The following ATP10B variants were observed in gnomAD, a reference collection of about 807,000 sequenced individuals.
The protein encoded by ATP10B is ATPase phospholipid transporting 10B (putative).
In ATP10B, 122 loss-of-function variants were observed where a neutral mutation model predicts 141.2. The ratio of observed to expected loss-of-function variants is 0.86; its 90% CI spans 0.75 to 1.00. ATP10B has a LOEUF of 1.00. Among genes scored for constraint, ATP10B ranks in the 50% least tolerant of loss-of-function variants. ATP10B has a pLI of 0.00. For synonymous variants in ATP10B, 685 were observed against 692.0 expected (o/e 0.99, Z 0.16); for missense variants, 1,876 against 1,825.3 (o/e 1.03, Z -0.51).
intron 2 of ATP10B, among the ~76,000 whole-genome samples, chr5:160,761,798 A>C (rs1407748820): frequency 6.6e-6 from 1 of 151,608 alleles, no homozygotes; most frequent in Non-Finnish European, 1.5e-5. Flanking sequence ...AGGAGGTATC[A>C]GAGAAAGGTG....
At chr5:160,834,450 T>C (rs528739806) in intron 1 of ATP10B, among the ~76,000 whole-genome samples, 3 of 152,286 alleles carry the variant, frequency 2.0e-5, no homozygotes, top group East Asian at 1.9e-4. Context: ...AAGTTCAGTC[T>C]TGGGCTGCAT....
At chr5:160,700,529 T>C (rs950009803) in intron 3 of ATP10B, among the ~76,000 whole-genome samples, 1 of 152,204 alleles carries the variant, frequency 6.6e-6, no homozygotes, top group Non-Finnish European at 1.5e-5. Context: ...GAAAGGTAAG[T>C]GATCTCACAG....
chr5:160,890,740 G>A, the ATP10B span, among the ~76,000 whole-genome samples: 1 of 151,930 alleles, frequency 6.6e-6, no homozygotes, highest in African/African-American at 2.4e-5. Flanking sequence ...TTAGAGCCAG[G>A]GTCTTTCTCT....
chr5:160,894,407 A>T, the ATP10B span, among the ~76,000 whole-genome samples: 34 of 151,986 alleles, frequency 2.2e-4, no homozygotes, highest in African/African-American at 8.0e-4. Context: ...TGTGAAGCAT[A>T]TACAAGTATC....
intron 12 of ATP10B, chr5:160,632,595 A>AACC (rs1204869912): frequency 5.1e-6 from 2 of 394,108 alleles, no homozygotes; most frequent in African/African-American, 4.1e-5. Flanking sequence ...GCTTTGACAT[A>AACC]ACCTGTCACT....
intron 1 of ATP10B, among the ~76,000 whole-genome samples, chr5:160,846,901 T>C (rs1373503466): frequency 2.6e-5 from 4 of 152,144 alleles, no homozygotes; most frequent in African/African-American, 9.7e-5. Context: ...GAGCTAATAA[T>C]AGTAACTATC....
At chr5:160,855,782 G>T (rs1336907543), upstream of ATP10B, among the ~76,000 whole-genome samples, 2 of 151,688 alleles carry the variant, frequency 1.3e-5, no homozygotes, top group Non-Finnish European at 2.9e-5. Context: ...GTAATGTTAA[G>T]ATCAAGGTTT....
chr5:160,879,949 A>G, the ATP10B span, among the ~76,000 whole-genome samples: 112,728 of 151,856 alleles, frequency 0.74, 43,209 homozygotes, highest in East Asian at 0.98. Context: ...GTATATACCA[A>G]CAATAGTCAA....
chr5:160,661,780 T>C (rs992469566), intron 7 of ATP10B, among the ~76,000 whole-genome samples: 2 of 152,084 alleles, frequency 1.3e-5, no homozygotes. Flanking sequence ...TCAACATAGT[T>C]TTGGAAGTTC....
rs943361977 is a variant in ATP10B, at chr5:160,628,157, A to G, written c.1620+3972T>C. On this transcript the variant is annotated intron_variant, in intron 13 of 25. Coordinates refer to ENST00000327245, the MANE Select transcript of ATP10B (RefSeq NM_025153.3). ...TAAATGCTCACTTAAATAGGAACAC[A>G]TGGATTGTTAGGGGAAGCTTTTCCC... is the stretch of plus-strand genomic sequence containing the variant. 2.6e-5 allele frequency among the ~76,000 whole-genome samples: 4 copies of G among 152,276 alleles called. No individual in the cohort carries two copies. In the East Asian group the frequency reaches 7.7e-4, roughly 29 times the overall value.
intron 7 of ATP10B, among the ~76,000 whole-genome samples, chr5:160,653,592 T>TATATAC (rs1224577077): frequency 0.071 from 477 of 6,742 alleles, 39 homozygotes; most frequent in African/African-American, 0.12. Flanking sequence ...CATATATACA[T>TATATAC]ATATACATAT....
rs1323822843 is a variant in ATP10B, at chr5:160,636,329, G to C, written c.1001-20C>G. 6.2e-7 allele frequency: 1 copy of C among 1,609,462 alleles called. No homozygotes were observed. The highest frequency in any genetic ancestry group is 1.1e-5 in the South Asian group (1 of 89,948). ...TGTGACCTGAGAGGAGGCAAAACCA[G>C]GAATGAGGCTGAATCTCTACTAAGT... On this transcript the variant is annotated intron_variant, in intron 10 of 25. Coordinates refer to ENST00000327245, the MANE Select transcript of ATP10B (RefSeq NM_025153.3).
chr5:160,890,831 T>C, the ATP10B span, among the ~76,000 whole-genome samples: 2 of 152,178 alleles, frequency 1.3e-5, no homozygotes, highest in Non-Finnish European at 2.9e-5. Flanking sequence ...CTTCCCAGCT[T>C]CCTGAGTAGC....
chr5:160,734,988 A>G (rs1767006990), intron 2 of ATP10B, among the ~76,000 whole-genome samples: 1 of 151,884 alleles, frequency 6.6e-6, no homozygotes, highest in Non-Finnish European at 1.5e-5. Flanking sequence ...ATTAAAAAAG[A>G]TACAATGGAT....
At chr5:160,850,329 T>C (rs541785452) in intron 1 of ATP10B, among the ~76,000 whole-genome samples, 1 of 152,022 alleles carries the variant, frequency 6.6e-6, no homozygotes, top group Admixed American at 6.6e-5. Flanking sequence ...GAGGCTGAGA[T>C]GGGAGAATTG....
At chr5:160,889,064 T>A in the ATP10B span, among the ~76,000 whole-genome samples, 1 of 152,128 alleles carries the variant, frequency 6.6e-6, no homozygotes. Context: ...ATCATTTACA[T>A]GCTTAATATG....
intron 18 of ATP10B, 198 bp downstream of exon 18, chr5:160,612,543 G>C: frequency 2.2e-6 from 1 of 451,564 alleles, no homozygotes; most frequent in Non-Finnish European, 3.9e-6. Context: ...AGACCAGCTA[G>C]CCATGTGTGG....
chr5:160,596,267 T>C (rs983030115), intron 22 of ATP10B, among the ~76,000 whole-genome samples: 7 of 152,154 alleles, frequency 4.6e-5, no homozygotes, highest in Admixed American at 3.3e-4. Flanking sequence ...TAATCCAGCA[T>C]ATAAACAGAA....
Position 160,688,093 on chromosome 5 carries a change from A to G in ATP10B, c.-19T>C, listed in dbSNP as rs1182412789. Reference sequence around the variant, plus strand: ...GGGCCATTTCCAGCAGCAGGCGAAGATCTGAAAACAGACACAGGAGGAGCT... The same window carrying G: ...GGGCCATTTCCAGCAGCAGGCGAAGGTCTGAAAACAGACACAGGAGGAGCT... On this transcript the variant is annotated splice_region_variant and 5_prime_UTR_variant, in exon 5 of 26. Coordinates refer to ENST00000327245, the MANE Select transcript of ATP10B (RefSeq NM_025153.3). The G allele has an allele frequency of 6.2e-7, 1 of 1,606,254 alleles. No individual in the cohort carries two copies. Among genetic ancestry groups the G allele is most frequent in the East Asian group, 2.2e-5 (1 of 44,824 alleles).
Sources: allele counts gnomAD v4.1 joint callset (sites outside exome capture counted in the v4.1 genomes callset), GRCh38; gene constraint gnomAD v4.1.1; transcripts MANE v1.5; gene names NCBI Gene and HGNC (gene_info 2026-07-23, HGNC 2026-07-21).